The following SLC13A1 variants were observed in gnomAD, a reference collection of about 807,000 sequenced individuals.
The protein encoded by SLC13A1 is solute carrier family 13 member 1.
In SLC13A1, 65 loss-of-function variants were observed where a neutral mutation model predicts 70.0. The observed-to-expected ratio is 0.93, with a 90% CI of 0.76 to 1.14. The LOEUF is 1.14. Ranked by LOEUF, SLC13A1 falls within the 50% of genes most tolerant of loss-of-function variation. The pLI, the probability that SLC13A1 is intolerant of heterozygous loss-of-function variation, is 0.00. For missense variants in SLC13A1, 726 were observed against 717.8 expected (o/e 1.01, Z -0.13); for synonymous variants, 275 against 250.5 (o/e 1.10, Z -0.92).
chr7:123,168,609 A>T, intron 4 of SLC13A1, 48 bp from the exon 5 acceptor site: 1 of 1,443,674 alleles, frequency 6.9e-7, no homozygotes, highest in Non-Finnish European at 9.6e-7. Context: ...AGGGATTATC[A>T]TTGGGTTTGC....
chr7:123,179,417 T>G (rs1224931689), intron 2 of SLC13A1, among the ~76,000 whole-genome samples: 1 of 152,156 alleles, frequency 6.6e-6, no homozygotes, highest in Admixed American at 6.6e-5. Context: ...GGATCCCTGT[T>G]CTGGGTGAGA....
Position 123,134,494 on chromosome 7 carries a change from G to A in SLC13A1, c.848C>T (p.Ser283Leu). ...YPDCRCLNFG[S>L]WFTFSFPAAL... ...AGCTGGGAAGGAAAACGTAAACCAT[G>A]ATCCAAAGTTGAGGCAACGACAGTC... The change falls in exon 8 of 15, where the codon TCA becomes TTA. Residue 283 changes from serine to leucine, a missense_variant. By Grantham distance (145) the Ser-to-Leu change is moderately radical (BLOSUM62 -2). Transcript: ENST00000194130. 6.2e-7 allele frequency: 1 copy of A among 1,613,368 alleles called. No homozygotes were observed. The highest frequency in any genetic ancestry group is 8.5e-7 in the Non-Finnish European group (1 of 1,179,462).
At chr7:123,193,964 C>T (rs529073626) in intron 1 of SLC13A1, among the ~76,000 whole-genome samples, 1 of 152,200 alleles carries the variant, frequency 6.6e-6, no homozygotes, top group Non-Finnish European at 1.5e-5. Flanking sequence ...GCATTCTCTC[C>T]TTCCTATCAG....
chr7:123,151,922 G>A (rs970508387), intron 6 of SLC13A1, among the ~76,000 whole-genome samples: 1 of 151,862 alleles, frequency 6.6e-6, no homozygotes, highest in Non-Finnish European at 1.5e-5. Context: ...ATTATCTCTG[G>A]CCTAGGTTAA....
rs763540641 is a variant in SLC13A1, at chr7:123,180,980, G to C, written c.221C>G (p.Ser74Cys). The C allele has an allele frequency of 6.2e-7, 1 of 1,611,104 alleles. No homozygotes were observed. The highest frequency in any genetic ancestry group is 1.1e-5 in the South Asian group (1 of 90,842). ...LMLPMFGIMP[S>C]KKVASAYFKD... ...ATTGGCAAGAGGACTTACCTTCTTA[G>C]AAGGCATGATCCCAAACATGGGTAA... The change falls in exon 2 of 15, where the codon TCT (serine) becomes TGT (cysteine). Residue 74 changes from serine (S) to cysteine (C), a missense_variant. Physicochemically the swap from Ser to Cys is moderately radical, Grantham distance 112. Transcript: ENST00000194130.
At chr7:123,118,831 A>T (rs1422909764) in intron 13 of SLC13A1, among the ~76,000 whole-genome samples, 3 of 152,152 alleles carry the variant, frequency 2.0e-5, no homozygotes, top group Non-Finnish European at 4.4e-5. Context: ...TTTATAACGA[A>T]AAAAGCTGGA....
intron 6 of SLC13A1, among the ~76,000 whole-genome samples, chr7:123,152,755 C>T (rs898885016): frequency 1.3e-5 from 2 of 152,086 alleles, no homozygotes; most frequent in Non-Finnish European, 2.9e-5. Context: ...ACAAACGTCT[C>T]CCTTTCCCTT....
At chr7:123,117,659 GA>G in intron 13 of SLC13A1, 51 bp from the exon 14 acceptor site, 1 of 1,265,350 alleles carries the variant, frequency 7.9e-7, no homozygotes. Context: ...GGGTAGACAC[GA>G]AACATAAAAA....
intron 1 of SLC13A1, among the ~76,000 whole-genome samples, chr7:123,194,758 G>A (rs184565939): frequency 2.0e-4 from 31 of 152,176 alleles, no homozygotes; most frequent in Middle Eastern, 6.8e-3. Flanking sequence ...GTGGATATTT[G>A]AAGCATCTGA....
At chr7:123,172,009 T>G in intron 2 of SLC13A1, 105 bp from the exon 3 acceptor site, 5 of 984,496 alleles carry the variant, frequency 5.1e-6, no homozygotes, top group Non-Finnish European at 7.5e-6. Flanking sequence ...TTCAACCGCA[T>G]AATCTTTCCA....
chr7:123,123,445 A>C (rs1793455139), intron 11 of SLC13A1, among the ~76,000 whole-genome samples: 2 of 152,176 alleles, frequency 1.3e-5, no homozygotes. Context: ...AACTTAAAAA[A>C]ATCCTTTGGG....
intron 1 of SLC13A1, among the ~76,000 whole-genome samples, chr7:123,193,438 A>G (rs1796065416): frequency 6.6e-6 from 1 of 152,200 alleles, no homozygotes; most frequent in Non-Finnish European, 1.5e-5. Context: ...GCAGTCTAAA[A>G]CAGCCAATTA....
chr7:123,171,828 C>T lies in SLC13A1; in HGVS notation c.305G>A (p.Trp102Ter). 6 of 1,613,778 alleles carry T rather than the reference C, an allele frequency of 3.7e-6. No individual in the cohort carries two copies. The highest frequency in any genetic ancestry group is 5.1e-6 in the Non-Finnish European group (6 of 1,179,826). ...CAGAGCAATTCTCTTGTGCAAATTC[C>T]ATTTTTCTATGGATGTTGCTAAACA... ...VICLATSIEK[W>*]NLHKRIALKM... The change falls in exon 3 of 15, where the codon TGG becomes TAG. Residue 102 changes from tryptophan (W) to a stop codon, truncating the protein, a stop_gained. Transcript: ENST00000194130. LOFTEE classifies it high-confidence loss of function.
chr7:123,147,089 A>G, intron 7 of SLC13A1, 70 bp downstream of exon 7: 9 of 1,463,136 alleles, frequency 6.2e-6, no homozygotes, highest in Non-Finnish European at 8.4e-6. Flanking sequence ...TCTCTGAATC[A>G]GGTAAGAATA....
chr7:123,116,119 T>C (rs930058540), intron 14 of SLC13A1, among the ~76,000 whole-genome samples: 2 of 152,240 alleles, frequency 1.3e-5, no homozygotes, highest in African/African-American at 4.8e-5. Context: ...CTGTATCTTT[T>C]ATATTCACTC....
chr7:123,170,874 C>T (rs558093038), intron 3 of SLC13A1, among the ~76,000 whole-genome samples: 74 of 152,014 alleles, frequency 4.9e-4, no homozygotes, highest in Admixed American at 9.8e-4. Flanking sequence ...CCACCGTGCC[C>T]GGCCGAGATA....
intron 7 of SLC13A1, among the ~76,000 whole-genome samples, chr7:123,135,669 C>A (rs1163283789): frequency 6.6e-6 from 1 of 151,942 alleles, no homozygotes; most frequent in Admixed American, 6.6e-5. Context: ...TAGAGTGTTT[C>A]TTTTTCTACT....
Position 123,198,271 on chromosome 7 carries a change from C to A in SLC13A1, c.99+1577G>T, listed in dbSNP as rs377708793. On this transcript the variant is annotated intron_variant, in intron 1 of 14. Coordinates refer to ENST00000194130, the MANE Select transcript of SLC13A1 (RefSeq NM_022444.4). ...TCATCTGATGGGGCTGCCAGAGATTCATATAGGAGACCTCACAAGGAGCCG... is the reference window on the plus strand; with the variant it reads ...TCATCTGATGGGGCTGCCAGAGATTAATATAGGAGACCTCACAAGGAGCCG... Among the ~76,000 whole-genome samples, 6 of 142,450 alleles carry A rather than the reference C, an allele frequency of 4.2e-5. 1 individual carries two copies. In the East Asian group the frequency reaches 1.0e-3, roughly 24 times the overall value. 93.5% of individuals were successfully genotyped at this position (142,450 alleles called of 152,430 possible).
At chr7:123,173,675 T>C (rs1330525452) in intron 2 of SLC13A1, among the ~76,000 whole-genome samples, 1 of 151,714 alleles carries the variant, frequency 6.6e-6, no homozygotes, top group African/African-American at 2.4e-5. Flanking sequence ...TATTATACCA[T>C]ACATTCTGAT....
Sources: allele counts gnomAD v4.1 joint callset (sites outside exome capture counted in the v4.1 genomes callset), GRCh38; gene constraint gnomAD v4.1.1; transcripts MANE v1.5; gene names NCBI Gene and HGNC (gene_info 2026-07-23, HGNC 2026-07-21).